Variants in SETD3 observed in about 807,000 individuals in gnomAD.
The protein encoded by SETD3 is SET domain containing 3, actin N3(tau)-histidine methyltransferase.
A neutral mutation model predicts 63.0 loss-of-function variants in SETD3; 19 were observed. The observed-to-expected ratio is 0.30, with a 90% CI of 0.21 to 0.44. SETD3 has a LOEUF of 0.44. SETD3 is among the 20% of genes least tolerant of loss of function. The pLI, the probability that SETD3 is intolerant of heterozygous loss-of-function variation, is 1.00. For missense variants in SETD3, 587 were observed against 728.5 expected (o/e 0.81, Z 2.24); for synonymous variants, 286 against 264.1 (o/e 1.08, Z -0.80).
upstream of SETD3, among the ~76,000 whole-genome samples, chr14:99,485,336 T>A (rs2139847420): frequency 6.6e-6 from 1 of 152,248 alleles, no homozygotes; most frequent in South Asian, 2.1e-4. Flanking sequence ...TCTGCCCCTT[T>A]CCCCTCAACA....
intron 10 of SETD3, 61 bp downstream of exon 10, chr14:99,405,144 T>C (rs1326747410): frequency 8.3e-6 from 13 of 1,557,542 alleles, no homozygotes; most frequent in Admixed American, 5.9e-5. Context: ...AATTAAACAC[T>C]ATGCAACTGG....
intron 1 of SETD3, among the ~76,000 whole-genome samples, chr14:99,476,265 G>A (rs1473070546): frequency 6.6e-6 from 1 of 152,178 alleles, no homozygotes; most frequent in African/African-American, 2.4e-5. Context: ...CATGAGTTCG[G>A]CTCAAAACCA....
intron 1 of SETD3, among the ~76,000 whole-genome samples, chr14:99,467,900 C>T (rs997830224): frequency 6.6e-6 from 1 of 152,172 alleles, no homozygotes; most frequent in Non-Finnish European, 1.5e-5. Flanking sequence ...CCACCCAACT[C>T]CAGTTGCTCA....
At chr14:99,422,488 G>T (rs942789251) in intron 6 of SETD3, among the ~76,000 whole-genome samples, 1 of 152,192 alleles carries the variant, frequency 6.6e-6, no homozygotes, top group Non-Finnish European at 1.5e-5. Context: ...AAAGGAAGTT[G>T]AGTAGTCTAT....
Position 99,399,011 on chromosome 14 carries a change from T to C in SETD3, c.1453A>G (p.Asn485Asp). 1 of 1,614,220 alleles carries C rather than the reference T, an allele frequency of 6.2e-7. No individual in the cohort carries two copies. Among genetic ancestry groups the C allele is most frequent in the Non-Finnish European group, 8.5e-7 (1 of 1,180,048 alleles). The change falls in exon 13 of 13, where the codon AAC (asparagine) becomes GAC (aspartate). Residue 485 changes from asparagine (N) to aspartate (D), a missense_variant. Asn to Asp is a conservative substitution (Grantham distance 23). Transcript: ENST00000331768. ...ATCTGTTGGCGATAGTATTCCCGGTTGACAGCTGCACTCTTTACTGCTTTT... is the reference window on the plus strand; with the variant it reads ...ATCTGTTGGCGATAGTATTCCCGGTCGACAGCTGCACTCTTTACTGCTTTT... ...LEKAVKSAAVNREYYRQQMEE... is the reference protein window; with the variant it reads ...LEKAVKSAAVDREYYRQQMEE...
Position 99,398,586 on chromosome 14 carries a change from G to A in SETD3, c.*93C>T. ...GCAAAAACATATCTTCCTCTCTGCA[G>A]AAAGAAAAATGTTAACAAGGAAACA... is the stretch of plus-strand genomic sequence containing the variant. On this transcript the variant is annotated 3_prime_UTR_variant, in exon 13 of 13. Transcript: ENST00000331768. The A allele has an allele frequency of 6.4e-6, 8 of 1,244,060 alleles. No individual in the cohort carries two copies. In the South Asian group the frequency reaches 1.2e-4, roughly 18 times the overall value. 77.1% of individuals were successfully genotyped at this position (1,244,060 alleles called of 1,614,324 possible).
chr14:99,459,326 C>T, intron 4 of SETD3, 141 bp from the exon 5 acceptor site: 1 of 501,848 alleles, frequency 2.0e-6, no homozygotes, highest in Non-Finnish European at 3.6e-6. Context: ...TATTCAAATA[C>T]ATTTTAAAAT....
intron 12 of SETD3, 74 bp from the exon 13 acceptor site, chr14:99,399,199 T>G: frequency 7.3e-7 from 1 of 1,361,370 alleles, no homozygotes; most frequent in Non-Finnish European, 1.0e-6. Flanking sequence ...GCACAACGGC[T>G]GGGGATGGGG....
chr14:99,481,091 T>A (rs1319878751), upstream of SETD3: 1 of 228,052 alleles, frequency 4.4e-6, no homozygotes, highest in Non-Finnish European at 8.5e-6. Flanking sequence ...ACTGGCTGCG[T>A]TCGCCCCCGC....
chr14:99,446,834 T>C (rs1042006169), intron 6 of SETD3, among the ~76,000 whole-genome samples: 1 of 152,006 alleles, frequency 6.6e-6, no homozygotes, highest in African/African-American at 2.4e-5. Context: ...TGCTGGGGTC[T>C]GACCTGGGAA....
At chr14:99,405,096 T>G in intron 10 of SETD3, 109 bp downstream of exon 10, 4 of 1,438,118 alleles carry the variant, frequency 2.8e-6, no homozygotes, top group Non-Finnish European at 3.7e-6. Context: ...ATAAACGGAT[T>G]AAGACAAACT....
intron 6 of SETD3, among the ~76,000 whole-genome samples, chr14:99,445,647 A>G (rs1894090003): frequency 6.6e-6 from 1 of 152,222 alleles, no homozygotes; most frequent in Admixed American, 6.5e-5. Context: ...GGGACACCAG[A>G]GTATGGGTAT....
intron 8 of SETD3, 77 bp downstream of exon 8, chr14:99,412,874 G>A: frequency 9.7e-7 from 1 of 1,032,880 alleles, no homozygotes; most frequent in Non-Finnish European, 1.5e-6. Flanking sequence ...ATGGGTAGGT[G>A]GAATAACAGC....
intron 6 of SETD3, among the ~76,000 whole-genome samples, chr14:99,435,517 AC>A (rs1893429760): frequency 6.6e-6 from 1 of 152,122 alleles, no homozygotes; most frequent in African/African-American, 2.4e-5. Context: ...GTAAACAGTT[AC>A]TCAATAGTTT....
chr14:99,416,793 G>A (rs1892313229), intron 6 of SETD3, among the ~76,000 whole-genome samples: 1 of 152,094 alleles, frequency 6.6e-6, no homozygotes, highest in Non-Finnish European at 1.5e-5. Context: ...TTACTTTCTT[G>A]AGCACAATAA....
chr14:99,465,235 G>A (rs372802226), intron 2 of SETD3, among the ~76,000 whole-genome samples: 6 of 152,204 alleles, frequency 3.9e-5, no homozygotes, highest in African/African-American at 1.4e-4. Context: ...GTCTCCAAGA[G>A]GCACGCTGGA....
chr14:99,449,012 T>A (rs1210839161), intron 6 of SETD3, among the ~76,000 whole-genome samples: 1 of 152,234 alleles, frequency 6.6e-6, no homozygotes, highest in African/African-American at 2.4e-5. Context: ...TGAAGAGCCA[T>A]CTAAAACCAT....
chr14:99,435,432 C>T (rs1034760214), intron 6 of SETD3, among the ~76,000 whole-genome samples: 4 of 152,110 alleles, frequency 2.6e-5, no homozygotes, highest in African/African-American at 9.7e-5. Context: ...GTCTTACTTC[C>T]CGATAGCTTG....
intron 1 of SETD3, among the ~76,000 whole-genome samples, chr14:99,472,737 A>T (rs1459148113): frequency 6.6e-6 from 1 of 152,232 alleles, no homozygotes; most frequent in Non-Finnish European, 1.5e-5. Flanking sequence ...TACAATGCTA[A>T]CTCAAAAATT....
Sources: gnomAD v4.1 joint callset for allele counts (sites outside exome capture counted in the v4.1 genomes callset) on GRCh38, gnomAD v4.1.1 for gene constraint, MANE v1.5 for transcripts, NCBI Gene and HGNC (gene_info 2026-07-23, HGNC 2026-07-21) for gene names.